CLTRN: variants seen among roughly 807,000 people sequenced by gnomAD.
The protein encoded by CLTRN is collectrin, amino acid transport regulator.
In CLTRN, 12 loss-of-function variants were observed where a neutral mutation model predicts 14.5. That is an observed-to-expected ratio of 0.83 (90% CI 0.53 to 1.34). The LOEUF (loss-of-function observed/expected upper bound fraction) is 1.34. CLTRN is among the 40% of genes most tolerant of loss of function. CLTRN has a pLI of 0.00. For synonymous variants in CLTRN, 58 were observed against 56.5 expected, an observed-to-expected ratio of 1.03 and a Z score of -0.12; for missense variants, 154 against 165.1, an observed-to-expected ratio of 0.93 and a Z score of 0.37.
intron 1 of CLTRN, among the ~76,000 whole-genome samples, chrX:15,671,767 T>C (rs1192382728): frequency 9.0e-6 from 1 of 110,582 alleles, no homozygotes; most frequent in African/African-American, 3.3e-5. Flanking sequence ...AAAAGATAAA[T>C]GAGCTTATTT....
intron 3 of CLTRN, among the ~76,000 whole-genome samples, chrX:15,648,912 C>A (rs1220525485): frequency 9.0e-6 from 1 of 111,507 alleles, no homozygotes; most frequent in Non-Finnish European, 1.9e-5. Context: ...TAAACAAATA[C>A]CAAATAGAAT....
At chrX:15,632,883 CAAAA>C in intron 5 of CLTRN, among the ~76,000 whole-genome samples, 1 of 43,668 alleles carries the variant, frequency 2.3e-5, no homozygotes, top group East Asian at 7.4e-4. Flanking sequence ...GACTCTGTCT[CAAAA>C]AAAAAAAAAA....
intron 3 of CLTRN, among the ~76,000 whole-genome samples, chrX:15,655,405 C>A (rs1270030455): frequency 8.9e-6 from 1 of 111,893 alleles, no homozygotes; most frequent in Non-Finnish European, 1.9e-5. Flanking sequence ...ACTGCATCTT[C>A]CCCTGACATG....
At chrX:15,672,934 T>C (rs1479282585) in intron 1 of CLTRN, among the ~76,000 whole-genome samples, 1 of 112,288 alleles carries the variant, frequency 8.9e-6, no homozygotes, top group Non-Finnish European at 1.9e-5. Flanking sequence ...ATCTAAATGC[T>C]ACCCTGAATT....
intron 3 of CLTRN, among the ~76,000 whole-genome samples, chrX:15,648,565 C>A (rs1416143056): frequency 1.8e-5 from 2 of 111,413 alleles, no homozygotes; most frequent in East Asian, 5.6e-4. Flanking sequence ...GTAATCCCAG[C>A]ACTTTGGGAG....
chrX:15,648,470 C>T (rs1317482643), intron 3 of CLTRN, among the ~76,000 whole-genome samples: 3 of 110,622 alleles, frequency 2.7e-5, no homozygotes, highest in Non-Finnish European at 3.8e-5. Flanking sequence ...ACAAAATCAC[C>T]CCCCTGGTGG....
chrX:15,642,926 CAA>C (rs58097600), intron 4 of CLTRN, among the ~76,000 whole-genome samples: 21 of 83,507 alleles, frequency 2.5e-4, no homozygotes, highest in South Asian at 5.7e-4. Flanking sequence ...CCTGTCTCTA[CAA>C]AAAAAAAAAA....
In CLTRN at chrX:15,664,704, T is replaced by C. The variant is rs768909556; in HGVS notation, c.58+14A>G. 3.4e-6 allele frequency: 4 copies of C among 1,189,096 alleles called. No individual in the cohort carries two copies. The highest frequency in any genetic ancestry group is 4.5e-6 in the Non-Finnish European group (4 of 879,575). ...AAAACTGTTCATCTATTTTTAAATTTCAAGGCTACATACCTGGTTGACAGA... is the reference window on the plus strand; with the variant it reads ...AAAACTGTTCATCTATTTTTAAATTCCAAGGCTACATACCTGGTTGACAGA... On this transcript the variant is annotated intron_variant, in intron 1 of 5. Coordinates refer to ENST00000380342, the MANE Select transcript of CLTRN (RefSeq NM_020665.6).
chrX:15,654,565 C>G (rs1929303002), intron 3 of CLTRN, among the ~76,000 whole-genome samples: 1 of 112,483 alleles, frequency 8.9e-6, no homozygotes, highest in South Asian at 3.7e-4. Context: ...CCTCAAGTAA[C>G]CTCAACTAAT....
In CLTRN at chrX:15,639,674, G is replaced by C; in HGVS notation, c.400C>G (p.Pro134Ala). ...EFLKIPSTLA[P>A]PMDPSVPIWI... The stretch of plus-strand genomic sequence containing the variant: ...ATGGGCACAGATGGGTCCATGGGTG[G>C]TGCAAGTGTGGAAGGGATTTTTAAA... The change falls in exon 5 of 6, where the codon CCA becomes GCA. Residue 134 changes from proline (P) to alanine (A), a missense_variant. Physicochemically the swap from Pro to Ala is conservative, Grantham distance 27. Coordinates refer to ENST00000380342, the MANE Select transcript of CLTRN (RefSeq NM_020665.6). 1 of 1,209,542 alleles carries C rather than the reference G, an allele frequency of 8.3e-7. No individual in the cohort carries two copies. Among genetic ancestry groups the C allele is most frequent in the Non-Finnish European group, 1.1e-6 (1 of 894,038 alleles).
At chrX:15,667,342 C>T (rs978129891), upstream of CLTRN, among the ~76,000 whole-genome samples, 1 of 112,483 alleles carries the variant, frequency 8.9e-6, no homozygotes, top group African/African-American at 3.2e-5. Context: ...TTGGCTTTTA[C>T]TTAGTCATTG....
Position 15,664,287 on chromosome X carries a change from G to A in CLTRN, c.117+50C>T, listed in dbSNP as rs775442209. The A allele has an allele frequency of 1.3e-5, 13 of 976,457 alleles. No individual in the cohort carries two copies. In the East Asian group the frequency reaches 4.2e-4, roughly 32 times the overall value. The allele number at this position is 976,457 out of a possible 1,213,427, so 80.5% of individuals were successfully genotyped here. On this transcript the variant is annotated intron_variant, in intron 2 of 5. Transcript: ENST00000380342. ...CAGGCCCATTATTAGAGAAAGCACA[G>A]TGTTATTAGCAAACAAAATTTAAAA...
chrX:15,646,458 A>AGCCCCCCCCCCCC, intron 3 of CLTRN: 3 of 228,796 alleles, frequency 1.3e-5, no homozygotes, highest in Non-Finnish European at 2.4e-5. Flanking sequence ...AAAACCGCGC[A>AGCCCCCCCCCCCC]CCCACCCCCC....
intron 4 of CLTRN, among the ~76,000 whole-genome samples, chrX:15,641,669 T>TGTGTGG (rs1928947061): frequency 1.8e-5 from 2 of 109,039 alleles, no homozygotes; most frequent in Admixed American, 2.0e-4. Flanking sequence ...TGTGTGTGTG[T>TGTGTGG]GTGTGTGTAA....
At chrX:15,669,714 C>T (rs1404204624), upstream of CLTRN, among the ~76,000 whole-genome samples, 1 of 111,980 alleles carries the variant, frequency 8.9e-6, no homozygotes, top group Non-Finnish European at 1.9e-5. Context: ...ATGTAGGCTC[C>T]ATTCACCTCC....
At position 15,639,797 on chromosome X, in the gene CLTRN, G is replaced by GA. The variant is rs756639442; in HGVS notation, c.318-42dup. On this transcript the variant is annotated intron_variant, in intron 4 of 5. Coordinates refer to ENST00000380342, the MANE Select transcript of CLTRN (RefSeq NM_020665.6). ...AATTAAAAATAAACAAAATAAGACA[G>GA]AAAAAAAACTATTAAGACAAAGTAC... 3.7e-5 allele frequency: 40 copies of GA among 1,077,920 alleles called. No individual in the cohort carries two copies. In the Middle Eastern group the frequency reaches 7.7e-4, roughly 21 times the overall value. 88.8% of individuals were successfully genotyped at this position (1,077,920 alleles called of 1,213,427 possible). A position where few individuals can be genotyped will look rare whatever the true frequency, so the allele number is the denominator to read the frequency against.
At chrX:15,670,709 C>A (rs1399817901) in intron 1 of CLTRN, among the ~76,000 whole-genome samples, 1 of 111,050 alleles carries the variant, frequency 9.0e-6, no homozygotes, top group East Asian at 2.8e-4. Flanking sequence ...TTTTAGTCAT[C>A]ATGAATGGCA....
At chrX:15,672,580 TATGA>T (rs767138787) in intron 1 of CLTRN, among the ~76,000 whole-genome samples, 3 of 111,198 alleles carry the variant, frequency 2.7e-5, no homozygotes, top group Non-Finnish European at 5.7e-5. Context: ...ATTAAAGACA[TATGA>T]ATTAATCAAT....
chrX:15,659,019 G>A lies in CLTRN; in HGVS notation c.200C>T (p.Thr67Ile). The change falls in exon 3 of 6, where the codon ACA becomes ATA. Residue 67 changes from threonine to isoleucine, a missense_variant. Thr to Ile is a moderately conservative substitution (Grantham distance 89). Coordinates refer to ENST00000380342, the MANE Select transcript of CLTRN (RefSeq NM_020665.6). ...AGATTTCTCATTATTTGCTTACTCT[G>A]TTGCTTCTCTGTTGGGAACTTTTCT... ...SMRKVPNREA[T>I]EISHVLLCNV... 1.8e-6 allele frequency: 2 copies of A among 1,135,051 alleles called. No individual in the cohort carries two copies. Among genetic ancestry groups the A allele is most frequent in the Non-Finnish European group, 1.2e-6 (1 of 832,800 alleles). 93.5% of individuals were successfully genotyped at this position (1,135,051 alleles called of 1,213,427 possible).
Sources: allele counts gnomAD v4.1 joint callset (sites outside exome capture counted in the v4.1 genomes callset), GRCh38; gene constraint gnomAD v4.1.1; transcripts MANE v1.5; gene names NCBI Gene and HGNC (gene_info 2026-07-23, HGNC 2026-07-21).